PRKG1: variants seen among roughly 807,000 people sequenced by gnomAD.
PRKG1 encodes protein kinase cGMP-dependent 1.
Under a neutral mutation model 88.1 loss-of-function variants are expected in PRKG1, and 35 were observed. That is an observed-to-expected ratio of 0.40 (90% CI 0.30 to 0.53). PRKG1 has a LOEUF of 0.53. Ranked by LOEUF, PRKG1 falls within the 20% of genes least tolerant of loss-of-function variation. The probability of loss-of-function intolerance (pLI) is 0.59; values close to 1 mark genes in which losing one functional copy is unlikely to be tolerated. For missense variants in PRKG1, 540 were observed against 839.8 expected, an observed-to-expected ratio of 0.64 and a Z score of 4.41; for synonymous variants, 303 against 292.5, an observed-to-expected ratio of 1.04 and a Z score of -0.37.
upstream of PRKG1, among the ~76,000 whole-genome samples, chr10:51,073,796 C>T (rs1381999585): frequency 6.6e-6 from 1 of 152,164 alleles, no homozygotes; most frequent in Non-Finnish European, 1.5e-5. Context: ...CGCCGACTCG[C>T]TCGCATCTCC....
chr10:51,228,015 G>C (rs1004239861), intron 2 of PRKG1, among the ~76,000 whole-genome samples: 8 of 152,070 alleles, frequency 5.3e-5, no homozygotes, highest in Admixed American at 2.0e-4. Context: ...ATTTTTGGAG[G>C]GGGTGGGGAG....
At chr10:52,250,259 G>C (rs1049459985) in intron 9 of PRKG1, among the ~76,000 whole-genome samples, 2 of 152,176 alleles carry the variant, frequency 1.3e-5, no homozygotes, top group African/African-American at 4.8e-5. Context: ...TTATTGGAGG[G>C]AGTTGATTTC....
chr10:52,112,012 C>T (rs1847575924), intron 7 of PRKG1, among the ~76,000 whole-genome samples: 1 of 152,192 alleles, frequency 6.6e-6, no homozygotes, highest in South Asian at 2.1e-4. Flanking sequence ...TGACTGTAGA[C>T]CATCTTTCTG....
At chr10:51,395,630 C>T (rs1016931881) in intron 2 of PRKG1, among the ~76,000 whole-genome samples, 7 of 152,080 alleles carry the variant, frequency 4.6e-5, no homozygotes, top group Non-Finnish European at 1.0e-4. Flanking sequence ...TAAAATTGAT[C>T]AAATAAGCAG....
chr10:52,157,815 C>A (rs1445161174), intron 8 of PRKG1, among the ~76,000 whole-genome samples: 1 of 151,476 alleles, frequency 6.6e-6, no homozygotes, highest in African/African-American at 2.4e-5. Flanking sequence ...CTTCCTCTTT[C>A]CTTTCTTTTC....
At chr10:51,269,546 G>A (rs892796070) in intron 2 of PRKG1, among the ~76,000 whole-genome samples, 1 of 152,198 alleles carries the variant, frequency 6.6e-6, no homozygotes, top group Non-Finnish European at 1.5e-5. Context: ...AAAATGGAAT[G>A]AAATAATGGC....
At chr10:51,059,390 A>G (rs1843669533) in intron 1 of PRKG1, among the ~76,000 whole-genome samples, 2 of 151,882 alleles carry the variant, frequency 1.3e-5, no homozygotes, top group African/African-American at 2.4e-5. Context: ...TTATTTATTC[A>G]TTTATTCATT....
At chr10:51,914,657 T>G (rs1842298936) in intron 5 of PRKG1, among the ~76,000 whole-genome samples, 1 of 152,204 alleles carries the variant, frequency 6.6e-6, no homozygotes, top group South Asian at 2.1e-4. Context: ...TAGATTTTCT[T>G]GGAATAAAAG....
intron 2 of PRKG1, among the ~76,000 whole-genome samples, chr10:51,355,932 G>A (rs892773879): frequency 1.3e-5 from 2 of 151,906 alleles, no homozygotes; most frequent in Admixed American, 6.6e-5. Flanking sequence ...GATTCTTTCT[G>A]CAGGAAAAAG....
At chr10:52,178,588 C>A (rs960771973) in intron 9 of PRKG1, among the ~76,000 whole-genome samples, 1 of 151,908 alleles carries the variant, frequency 6.6e-6, no homozygotes, top group African/African-American at 2.4e-5. Context: ...TCAACACCGA[C>A]AGTGGGATGG....
intron 4 of PRKG1, among the ~76,000 whole-genome samples, chr10:51,878,097 A>G (rs1589381581): frequency 1.3e-5 from 2 of 152,210 alleles, no homozygotes; most frequent in Non-Finnish European, 2.9e-5. Flanking sequence ...TATTTTTAAC[A>G]TGCTACCAAG....
intron 9 of PRKG1, among the ~76,000 whole-genome samples, chr10:52,209,530 G>A (rs1564516916): frequency 6.6e-6 from 1 of 152,138 alleles, no homozygotes; most frequent in East Asian, 1.9e-4. Context: ...GAATTGATGA[G>A]CAGGTGAAGA....
chr10:51,841,039 C>T (rs1231315177), intron 4 of PRKG1, among the ~76,000 whole-genome samples: 5 of 152,170 alleles, frequency 3.3e-5, no homozygotes, highest in Admixed American at 1.3e-4. Context: ...TGAATGATTT[C>T]GTTTTCTTGT....
chr10:51,803,034 C>T (rs1020421938), intron 3 of PRKG1, among the ~76,000 whole-genome samples: 3 of 152,100 alleles, frequency 2.0e-5, no homozygotes, highest in African/African-American at 7.2e-5. Context: ...TGTAGCTCAG[C>T]TCCCACCACT....
intron 3 of PRKG1, among the ~76,000 whole-genome samples, chr10:51,556,423 T>TC (rs925947699): frequency 1.3e-5 from 2 of 151,636 alleles, no homozygotes; most frequent in Admixed American, 1.3e-4. Flanking sequence ...TATGATACTT[T>TC]TTTTTACACT....
chr10:51,845,336 C>T (rs568226566), intron 4 of PRKG1, among the ~76,000 whole-genome samples: 4 of 152,136 alleles, frequency 2.6e-5, no homozygotes, highest in Admixed American at 1.3e-4. Context: ...ATGCCTTTCC[C>T]GATTACTCTA....
chr10:52,296,093 T>C lies in PRKG1; in HGVS notation c.*2193T>C, dbSNP rs918201582. On this transcript the variant is annotated 3_prime_UTR_variant, in exon 18 of 18. Coordinates refer to ENST00000373980, the MANE Select transcript of PRKG1 (RefSeq NM_006258.4). ...TATTATAGTGAATGTTCAGTAACTT[T>C]TGTTGAAAGATAATGTGGTTTAGGC... The C allele has an allele frequency of 6.6e-6, 1 of 152,046 alleles. No individual in the cohort carries two copies. Among genetic ancestry groups the C allele is most frequent in the Non-Finnish European group, 1.5e-5 (1 of 67,922 alleles). The allele number at this position is 152,046 out of a possible 1,614,324, so 9.4% of individuals were successfully genotyped here.
intron 3 of PRKG1, among the ~76,000 whole-genome samples, chr10:51,802,437 T>G (rs1839196418): frequency 6.6e-6 from 1 of 152,168 alleles, no homozygotes; most frequent in South Asian, 2.1e-4. Flanking sequence ...GTCAATTTAT[T>G]TTTTAAAGTC....
chr10:51,281,631 G>A (rs553709108), intron 2 of PRKG1, among the ~76,000 whole-genome samples: 1 of 152,284 alleles, frequency 6.6e-6, no homozygotes, highest in Non-Finnish European at 1.5e-5. Context: ...CTGGGGGCGG[G>A]GCATAGCCAA....
Sources: gnomAD v4.1 joint callset for allele counts (sites outside exome capture counted in the v4.1 genomes callset) on GRCh38, gnomAD v4.1.1 for gene constraint, MANE v1.5 for transcripts, NCBI Gene and HGNC (gene_info 2026-07-23, HGNC 2026-07-21) for gene names.